Variants in GRID2 observed in about 807,000 individuals in gnomAD.
The protein encoded by GRID2 is glutamate ionotropic receptor delta type subunit 2, also known as glutamate receptor ionotropic, delta-2.
A neutral mutation model predicts 114.8 loss-of-function variants in GRID2; 33 were observed. That is an observed-to-expected ratio of 0.29 (90% confidence interval 0.22 to 0.38). The LOEUF is 0.38. GRID2 is among the 10% of genes least tolerant of loss of function. GRID2 has a pLI of 1.00. For missense variants in GRID2, 1,184 were observed against 1,257.7 expected (o/e 0.94, Z 0.89); for synonymous variants, 505 against 449.9 (o/e 1.12, Z -1.55).
chr4:93,333,341 C>T (rs1257914021), intron 8 of GRID2, among the ~76,000 whole-genome samples: 2 of 152,156 alleles, frequency 1.3e-5, no homozygotes, highest in African/African-American at 4.8e-5. Flanking sequence ...CTATAGACTG[C>T]ACTTTTGATT....
At chr4:92,472,532 T>G (rs2149097076) in intron 1 of GRID2, among the ~76,000 whole-genome samples, 1 of 152,312 alleles carries the variant, frequency 6.6e-6, no homozygotes, top group East Asian at 1.9e-4. Flanking sequence ...TGTAACATTT[T>G]ACTTTCCCAC....
intron 2 of GRID2, among the ~76,000 whole-genome samples, chr4:92,929,591 G>A (rs1750074865): frequency 6.6e-6 from 1 of 151,430 alleles, no homozygotes; most frequent in East Asian, 1.9e-4. Context: ...TGAACTAAAT[G>A]AGCATGTAAA....
chr4:93,129,559 A>T (rs1200166818), intron 4 of GRID2, among the ~76,000 whole-genome samples: 1 of 152,136 alleles, frequency 6.6e-6, no homozygotes, highest in East Asian at 1.9e-4. Flanking sequence ...TGCTGTTGCC[A>T]ATATCACAAT....
At chr4:92,673,399 AGTT>A (rs960287014) in intron 2 of GRID2, among the ~76,000 whole-genome samples, 8 of 152,178 alleles carry the variant, frequency 5.3e-5, no homozygotes, top group Non-Finnish European at 1.0e-4. Context: ...TTAAATATTG[AGTT>A]GTTGTTTAGA....
At chr4:93,507,835 A>T (rs558795041) in intron 12 of GRID2, among the ~76,000 whole-genome samples, 2 of 152,296 alleles carry the variant, frequency 1.3e-5, no homozygotes, top group Admixed American at 6.5e-5. Context: ...TTGCCTCTGA[A>T]TTTATTTATT....
At chr4:93,334,900 C>T (rs1758879183) in intron 8 of GRID2, among the ~76,000 whole-genome samples, 4 of 151,764 alleles carry the variant, frequency 2.6e-5, no homozygotes, top group Admixed American at 6.6e-5. Context: ...CATTGCATTC[C>T]AGCCTGGGCA....
intron 1 of GRID2, among the ~76,000 whole-genome samples, chr4:92,517,302 T>C (rs1724547007): frequency 1.3e-5 from 2 of 151,940 alleles, no homozygotes; most frequent in Non-Finnish European, 2.9e-5. Flanking sequence ...TTTGTTCATT[T>C]GCTTTATTTA....
intron 2 of GRID2, among the ~76,000 whole-genome samples, chr4:92,628,361 G>GTTT (rs1192628688): frequency 9.9e-5 from 15 of 151,700 alleles, no homozygotes; most frequent in African/African-American, 3.6e-4. Flanking sequence ...TTTTTGTTTT[G>GTTT]TGTTGTTTTG....
intron 4 of GRID2, among the ~76,000 whole-genome samples, chr4:93,150,473 GC>G: frequency 6.6e-6 from 1 of 152,156 alleles, no homozygotes; most frequent in East Asian, 1.9e-4. Flanking sequence ...ATCTGGTTTG[GC>G]CCAAATAGTC....
chr4:92,881,087 G>A (rs774991476), intron 2 of GRID2, among the ~76,000 whole-genome samples: 19 of 152,118 alleles, frequency 1.2e-4, no homozygotes, highest in Non-Finnish European at 2.8e-4. Context: ...ATTTTTAGTA[G>A]AGGAAGGGTT....
chr4:92,461,189 G>A (rs1176120200), intron 1 of GRID2, among the ~76,000 whole-genome samples: 1 of 151,784 alleles, frequency 6.6e-6, no homozygotes, highest in Non-Finnish European at 1.5e-5. Flanking sequence ...GAAACATCAA[G>A]TATACCCATT....
At chr4:92,321,428 G>A (rs1242581899) in intron 1 of GRID2, among the ~76,000 whole-genome samples, 1 of 152,200 alleles carries the variant, frequency 6.6e-6, no homozygotes, top group African/African-American at 2.4e-5. Context: ...CGTAAGCCAA[G>A]TGTTCTTTCT....
chr4:92,500,037 A>G (rs902539207), intron 1 of GRID2, among the ~76,000 whole-genome samples: 6 of 152,160 alleles, frequency 3.9e-5, no homozygotes, highest in South Asian at 2.1e-4. Flanking sequence ...GCAACTTATT[A>G]TTGTGGTTGA....
intron 13 of GRID2, among the ~76,000 whole-genome samples, chr4:93,517,483 A>G (rs1729851544): frequency 1.3e-5 from 2 of 152,092 alleles, no homozygotes; most frequent in South Asian, 4.1e-4. Flanking sequence ...AATTTATAAT[A>G]GAAAATATCT....
chr4:92,802,135 A>AT (rs1740202567), intron 2 of GRID2, among the ~76,000 whole-genome samples: 1 of 151,952 alleles, frequency 6.6e-6, no homozygotes, highest in Non-Finnish European at 1.5e-5. Context: ...CATATACAAT[A>AT]TTTTTTAGAG....
At chr4:93,792,618 C>T (rs942984614) in intron 1 of GRID2, among the ~76,000 whole-genome samples, 6 of 152,172 alleles carry the variant, frequency 3.9e-5, no homozygotes, top group Non-Finnish European at 8.8e-5. Flanking sequence ...TTTCACCCCA[C>T]TTTTAATTCT....
chr4:92,966,446 C>T (rs1753162771), intron 2 of GRID2, among the ~76,000 whole-genome samples: 1 of 151,932 alleles, frequency 6.6e-6, no homozygotes, highest in Non-Finnish European at 1.5e-5. Context: ...TATGCTATCT[C>T]ACATCCAGAT....
intron 4 of GRID2, among the ~76,000 whole-genome samples, chr4:93,204,455 A>C (rs1742457315): frequency 6.6e-6 from 1 of 152,286 alleles, no homozygotes; most frequent in East Asian, 1.9e-4. Flanking sequence ...GCTTGTAACA[A>C]ATTTATACTG....
intron 9 of GRID2, among the ~76,000 whole-genome samples, chr4:93,420,876 C>A (rs1212879872): frequency 6.6e-6 from 1 of 152,022 alleles, no homozygotes; most frequent in Non-Finnish European, 1.5e-5. Flanking sequence ...GCTGCAGCCT[C>A]CCAAGTAGCT....
Sources: gnomAD v4.1 joint callset for allele counts (sites outside exome capture counted in the v4.1 genomes callset) on GRCh38, gnomAD v4.1.1 for gene constraint, MANE v1.5 for transcripts, NCBI Gene and HGNC (gene_info 2026-07-23, HGNC 2026-07-21) for gene names.